The following SLC4A4 variants were observed in gnomAD, a reference collection of about 807,000 sequenced individuals.
SLC4A4 encodes the protein solute carrier family 4 member 4.
SLC4A4 carries 27 observed loss-of-function variants against 111.5 expected under a neutral mutation model. The ratio of observed to expected loss-of-function variants is 0.24; its 90% CI spans 0.18 to 0.33. SLC4A4 has a LOEUF of 0.33. SLC4A4 is among the 10% of genes least tolerant of loss of function. The probability of loss-of-function intolerance (pLI) is 1.00; values close to 1 mark genes in which losing one functional copy is unlikely to be tolerated. For synonymous variants in SLC4A4, 443 were observed against 463.4 expected, an observed-to-expected ratio of 0.96 and a Z score of 0.57; for missense variants, 909 against 1,315.5, an observed-to-expected ratio of 0.69 and a Z score of 4.78.
intron 7 of SLC4A4, among the ~76,000 whole-genome samples, chr4:71,428,753 T>G (rs1322777449): frequency 6.6e-6 from 1 of 151,928 alleles, no homozygotes; most frequent in Non-Finnish European, 1.5e-5. Context: ...CATGTGGACA[T>G]GAGGCAGGGT....
At chr4:71,105,644 C>T (rs1445080768) in intron 2 of SLC4A4, among the ~76,000 whole-genome samples, 1 of 136,884 alleles carries the variant, frequency 7.3e-6, no homozygotes, top group Non-Finnish European at 1.6e-5. Context: ...TGATCTTTGA[C>T]AAACCTGAGA....
chr4:71,221,904 A>T (rs915809138), intron 1 of SLC4A4, among the ~76,000 whole-genome samples: 2 of 152,190 alleles, frequency 1.3e-5, no homozygotes, highest in African/African-American at 4.8e-5. Flanking sequence ...AAGTTCTGAC[A>T]TGGTGCTGTA....
intron 12 of SLC4A4, among the ~76,000 whole-genome samples, chr4:71,459,641 A>T (rs1489518293): frequency 6.6e-6 from 1 of 152,122 alleles, no homozygotes; most frequent in Admixed American, 6.6e-5. Context: ...AAAAAAATGT[A>T]GGTGATTAAC....
At chr4:71,388,226 T>C (rs1021043696) in intron 6 of SLC4A4, among the ~76,000 whole-genome samples, 1 of 152,134 alleles carries the variant, frequency 6.6e-6, no homozygotes, top group Non-Finnish European at 1.5e-5. Flanking sequence ...GGGAATAATA[T>C]TTTCTTCATA....
intron 7 of SLC4A4, among the ~76,000 whole-genome samples, chr4:71,416,202 T>C (rs1721809337): frequency 6.6e-6 from 1 of 152,212 alleles, no homozygotes; most frequent in Admixed American, 6.5e-5. Flanking sequence ...TTTCTAGTTT[T>C]GTGATGTTAG....
chr4:71,089,822 C>T (rs1742323193), intron 1 of SLC4A4, among the ~76,000 whole-genome samples: 1 of 151,732 alleles, frequency 6.6e-6, no homozygotes, highest in African/African-American at 2.4e-5. Context: ...GGGGTGCTCC[C>T]AATTAGGCTA....
intron 1 of SLC4A4, among the ~76,000 whole-genome samples, chr4:71,199,007 G>T (rs1430878865): frequency 6.6e-6 from 1 of 152,168 alleles, no homozygotes; most frequent in Non-Finnish European, 1.5e-5. Flanking sequence ...TGGACATTTG[G>T]TAAATAGACC....
intron 12 of SLC4A4, among the ~76,000 whole-genome samples, chr4:71,460,320 A>C (rs1041879789): frequency 6.6e-6 from 1 of 152,020 alleles, no homozygotes; most frequent in Non-Finnish European, 1.5e-5. Context: ...GTTTTTGTGT[A>C]AGGTTATACT....
chr4:71,536,868 G>C (rs1435887741), intron 18 of SLC4A4, among the ~76,000 whole-genome samples: 1 of 151,086 alleles, frequency 6.6e-6, no homozygotes, highest in Non-Finnish European at 1.5e-5. Flanking sequence ...AGGAGATATA[G>C]TTTTGATATT....
intron 1 of SLC4A4, among the ~76,000 whole-genome samples, chr4:71,079,320 C>T (rs1741928385): frequency 6.6e-6 from 1 of 152,108 alleles, no homozygotes; most frequent in Non-Finnish European, 1.5e-5. Flanking sequence ...ACATGGGACA[C>T]ATATACAGCA....
intron 2 of SLC4A4, among the ~76,000 whole-genome samples, chr4:71,178,332 A>G (rs1422403102): frequency 3.9e-5 from 6 of 152,200 alleles, no homozygotes; most frequent in Non-Finnish European, 8.8e-5. Context: ...CAAAGCTAGC[A>G]AAAGGCAAGA....
At position 71,338,568 on chromosome 4, in the gene SLC4A4, T is replaced by TC. The variant is rs1728618473; in HGVS notation, c.254-802_254-801insC. Among the ~76,000 whole-genome samples, 7 of 147,504 alleles carry TC rather than the reference T, an allele frequency of 4.7e-5. No individual in the cohort carries two copies. The South Asian group carries it at 1.5e-3, about 31-fold the overall frequency. On this transcript the variant is annotated intron_variant, in intron 3 of 25. Transcript: ENST00000264485. ...TCTTTCGTCGTCTTCTTCTTCTTCT[T>TC]TTTTTTTTTTTTGAAAGGGAGTAAC...
intron 1 of SLC4A4, among the ~76,000 whole-genome samples, chr4:71,206,954 T>C (rs1456568642): frequency 6.6e-6 from 1 of 152,134 alleles, no homozygotes; most frequent in Non-Finnish European, 1.5e-5. Flanking sequence ...GACGATCATA[T>C]TACTTTGCTA....
intron 1 of SLC4A4, among the ~76,000 whole-genome samples, chr4:71,086,868 T>C (rs1742192332): frequency 6.6e-6 from 1 of 152,020 alleles, no homozygotes; most frequent in Non-Finnish European, 1.5e-5. Flanking sequence ...AAAATTCTCT[T>C]TTTTTGTTGT....
intron 16 of SLC4A4, among the ~76,000 whole-genome samples, chr4:71,531,556 A>T (rs1458622940): frequency 6.6e-6 from 1 of 152,078 alleles, no homozygotes; most frequent in Non-Finnish European, 1.5e-5. Context: ...TGGTGTTTTC[A>T]GGCTGTCTTA....
In SLC4A4 at chr4:71,440,705, C is replaced by A. The variant is rs372798212; in HGVS notation, c.897C>A (p.Phe299Leu). ...VGEVDFLDTP[F>L]IAFVRLQQAV... Reference sequence around the variant, plus strand: ...AGGTTGACTTTTTGGATACTCCTTTCATTGCCTTTGTTAGGCTACAGCAGG... The same window carrying A: ...AGGTTGACTTTTTGGATACTCCTTTAATTGCCTTTGTTAGGCTACAGCAGG... The change falls in exon 8 of 26, where the codon TTC becomes TTA. Residue 299 changes from phenylalanine (F) to leucine (L), a missense_variant. Physicochemically the swap from Phe to Leu is conservative, Grantham distance 22. Transcript: ENST00000264485. 8 of 1,614,016 alleles carry A rather than the reference C, an allele frequency of 5.0e-6. No individual in the cohort carries two copies. The African/African-American group carries it at 1.1e-4, about 22-fold the overall frequency.
chr4:71,473,187 C>A, intron 14 of SLC4A4: 3 of 679,398 alleles, frequency 4.4e-6, no homozygotes, highest in South Asian at 1.6e-5. Flanking sequence ...GGAATGTGAA[C>A]ATAACCAACT....
intron 6 of SLC4A4, among the ~76,000 whole-genome samples, chr4:71,383,862 G>T (rs373167342): frequency 6.6e-6 from 1 of 152,048 alleles, no homozygotes; most frequent in Non-Finnish European, 1.5e-5. Context: ...GAAAGGAGAC[G>T]TGTGAGCCAC....
intron 2 of SLC4A4, among the ~76,000 whole-genome samples, chr4:71,162,834 C>T (rs151054579): frequency 2.2e-3 from 330 of 152,286 alleles, no homozygotes; most frequent in African/African-American, 7.7e-3. Context: ...ACCCATCAAA[C>T]ATTTATTTGC....
Sources: gnomAD v4.1 joint callset for allele counts (sites outside exome capture counted in the v4.1 genomes callset) on GRCh38, gnomAD v4.1.1 for gene constraint, MANE v1.5 for transcripts, NCBI Gene and HGNC (gene_info 2026-07-23, HGNC 2026-07-21) for gene names.